The following GAB2 variants were observed in gnomAD, a reference collection of about 807,000 sequenced individuals.
GAB2 encodes the protein GRB2 associated binding protein 2.
A neutral mutation model predicts 65.5 loss-of-function variants in GAB2; 26 were observed. The observed-to-expected ratio is 0.40, with a 90% confidence interval of 0.29 to 0.55. The LOEUF (loss-of-function observed/expected upper bound fraction) is 0.55. GAB2 is among the 20% of genes least tolerant of loss of function. The probability of loss-of-function intolerance (pLI) is 0.53; values close to 1 mark genes in which losing one functional copy is unlikely to be tolerated. For synonymous variants in GAB2, 321 were observed against 329.6 expected, an observed-to-expected ratio of 0.97 and a Z score of 0.28; for missense variants, 884 against 875.8, an observed-to-expected ratio of 1.01 and a Z score of -0.12.
chr11:78,410,528 G>T (rs1857113616), intron 1 of GAB2, among the ~76,000 whole-genome samples: 1 of 152,034 alleles, frequency 6.6e-6, no homozygotes, highest in South Asian at 2.1e-4. Context: ...AAATAATAAT[G>T]AAGCAATGTC....
chr11:78,399,839 C>T lies in GAB2; in HGVS notation c.75+17807G>A, dbSNP rs569669487. The stretch of plus-strand genomic sequence containing the variant: ...CATGTTATTCTGATAAATGTGCAAA[C>T]CCAGTGAAATAAGAAGCATTAGTCT... On this transcript the variant is annotated intron_variant, in intron 1 of 9. Coordinates refer to ENST00000361507, the MANE Select transcript of GAB2 (RefSeq NM_080491.3). Among the ~76,000 whole-genome samples, 13 of 152,242 alleles carry T rather than the reference C, an allele frequency of 8.5e-5. 1 individual carries two copies. The South Asian group carries it at 2.1e-3, about 24-fold the overall frequency.
chr11:78,338,060 A>G (rs867658366), intron 1 of GAB2, among the ~76,000 whole-genome samples: 2 of 152,206 alleles, frequency 1.3e-5, no homozygotes, highest in African/African-American at 4.8e-5. Flanking sequence ...AGTACTCCAT[A>G]AAGTATAAAA....
chr11:78,359,151 A>G (rs1856400699), intron 1 of GAB2, among the ~76,000 whole-genome samples: 1 of 152,324 alleles, frequency 6.6e-6, no homozygotes, highest in African/African-American at 2.4e-5. Context: ...CTGAAGTTCA[A>G]TAATTAAATA....
intron 1 of GAB2, among the ~76,000 whole-genome samples, chr11:78,291,602 C>T (rs1403228190): frequency 8.8e-6 from 1 of 113,016 alleles, no homozygotes; most frequent in Non-Finnish European, 1.7e-5. Context: ...GACAGGGTCT[C>T]CCTCTGTTGC....
intron 1 of GAB2, among the ~76,000 whole-genome samples, chr11:78,389,417 T>C (rs1856806663): frequency 6.6e-6 from 1 of 151,992 alleles, no homozygotes; most frequent in Non-Finnish European, 1.5e-5. Flanking sequence ...TGTGATTCTT[T>C]TGCCTCAGCC....
At chr11:78,282,760 A>G (rs969276244) in intron 1 of GAB2, among the ~76,000 whole-genome samples, 3 of 152,046 alleles carry the variant, frequency 2.0e-5, no homozygotes, top group African/African-American at 4.8e-5. Context: ...AAGCACTACA[A>G]ATGTCAAGGA....
intron 1 of GAB2, among the ~76,000 whole-genome samples, chr11:78,415,543 A>C (rs1214901152): frequency 6.6e-6 from 1 of 152,220 alleles, no homozygotes; most frequent in African/African-American, 2.4e-5. Flanking sequence ...GTTAGGGGGA[A>C]ACTGAACTTC....
intron 2 of GAB2, among the ~76,000 whole-genome samples, chr11:78,260,293 T>C (rs1405137552): frequency 6.6e-6 from 1 of 152,162 alleles, no homozygotes; most frequent in Non-Finnish European, 1.5e-5. Flanking sequence ...TCTCACAGTA[T>C]ACATTAGCAG....
intron 1 of GAB2, among the ~76,000 whole-genome samples, chr11:78,368,650 G>C (rs531316739): frequency 6.6e-6 from 1 of 152,014 alleles, no homozygotes; most frequent in African/African-American, 2.4e-5. Flanking sequence ...CCTAATAAAA[G>C]CTGGTCTTTC....
chr11:78,244,663 T>TA (rs36056237), intron 3 of GAB2, among the ~76,000 whole-genome samples: 50,743 of 74,776 alleles, frequency 0.68, 17,862 homozygotes, highest in Non-Finnish European at 0.77. Flanking sequence ...ACATTCATAG[T>TA]AAAAAAAAAA....
In GAB2 at chr11:78,225,159, C is replaced by A. The variant is rs769791970; in HGVS notation, c.1251G>T (p.Glu417Asp). The A allele has an allele frequency of 6.2e-7, 1 of 1,613,816 alleles. No homozygotes were observed. The highest frequency in any genetic ancestry group is 8.5e-7 in the Non-Finnish European group (1 of 1,179,662). Residue 417 changes from glutamate to aspartate, a missense_variant, in exon 5 of 10, where the codon GAG (glutamate) becomes GAT (aspartate). Physicochemically the swap from Glu to Asp is conservative, Grantham distance 45. Coordinates refer to ENST00000361507, the MANE Select transcript of GAB2 (RefSeq NM_080491.3). ...TGGATTCAGCAGACCGGCCTGCACT[C>A]TCTCCACCACGCTGTGGGTACTCGT... is the stretch of plus-strand genomic sequence containing the variant. ...ETYEYPQRGGESAGRSAESMS... is the reference protein window; with the variant it reads ...ETYEYPQRGGDSAGRSAESMS...
intron 1 of GAB2, among the ~76,000 whole-genome samples, chr11:78,362,095 G>C (rs1425750228): frequency 6.7e-6 from 1 of 148,572 alleles, no homozygotes; most frequent in Non-Finnish European, 1.5e-5. Flanking sequence ...AAAAAAAAAA[G>C]CAAGTATAGA....
rs148866303 is a variant in GAB2 at position 78,238,424 on chromosome 11, G to A, written c.621-11373C>T. Among the ~76,000 whole-genome samples the A allele has an allele frequency of 3.1e-4, 47 of 150,866 alleles. No homozygotes were observed. The East Asian group carries it at 9.0e-3, about 29-fold the overall frequency. ...GGGCAGGAGGATCTTGAGCCCAGGA[G>A]TTTGAGGCTGCAGTGAGCTATGTAC... On this transcript the variant is annotated intron_variant, in intron 3 of 9. Transcript: ENST00000361507.
At chr11:78,362,832 T>C (rs900632930) in intron 1 of GAB2, among the ~76,000 whole-genome samples, 6 of 152,102 alleles carry the variant, frequency 3.9e-5, no homozygotes, top group Non-Finnish European at 5.9e-5. Flanking sequence ...GGTATATGAC[T>C]ACCAAGCAAA....
intron 1 of GAB2, among the ~76,000 whole-genome samples, chr11:78,355,120 A>G (rs77009795): frequency 0.057 from 8,732 of 152,312 alleles, 801 homozygotes; most frequent in African/African-American, 0.2. Context: ...CATTAGTGTA[A>G]TAGAGATCCT....
chr11:78,243,657 G>C (rs1351260398), intron 3 of GAB2, among the ~76,000 whole-genome samples: 1 of 151,392 alleles, frequency 6.6e-6, no homozygotes, highest in Admixed American at 6.6e-5. Flanking sequence ...TGGCTCACAT[G>C]GTGAAACCCT....
intron 3 of GAB2, among the ~76,000 whole-genome samples, chr11:78,234,126 G>A (rs1864923505): frequency 6.6e-6 from 1 of 151,974 alleles, no homozygotes. Context: ...TGTCGCCCAG[G>A]CTGGAGTGCA....
intron 1 of GAB2, among the ~76,000 whole-genome samples, chr11:78,347,456 T>C (rs958382085): frequency 5.3e-5 from 8 of 152,194 alleles, no homozygotes; most frequent in Non-Finnish European, 2.9e-5. Flanking sequence ...ACTTGAGCCT[T>C]GGTTGTACGA....
At chr11:78,277,821 G>T (rs111672584) in intron 2 of GAB2, among the ~76,000 whole-genome samples, 11 of 152,286 alleles carry the variant, frequency 7.2e-5, no homozygotes, top group African/African-American at 2.4e-4. Context: ...CTCTCAAGTT[G>T]CCCGCTTGGC....
Sources: allele counts gnomAD v4.1 joint callset (sites outside exome capture counted in the v4.1 genomes callset), GRCh38; gene constraint gnomAD v4.1.1; transcripts MANE v1.5; gene names NCBI Gene and HGNC (gene_info 2026-07-23, HGNC 2026-07-21).